The following ZBTB49 variants were observed in gnomAD, a reference collection of about 807,000 sequenced individuals.
The protein encoded by ZBTB49 is zinc finger and BTB domain containing 49, also known as zinc finger and BTB domain-containing protein 49.
A neutral mutation model predicts 57.5 loss-of-function variants in ZBTB49; 43 were observed. The observed-to-expected ratio is 0.75, with a 90% confidence interval of 0.59 to 0.97. The LOEUF (loss-of-function observed/expected upper bound fraction) is 0.97, where lower values mean the gene tolerates loss of function less well. Among genes scored for constraint, ZBTB49 ranks in the 50% least tolerant of loss-of-function variants. ZBTB49 has a pLI of 0.00. For missense variants in ZBTB49, 938 were observed against 947.7 expected (o/e 0.99, Z 0.13); for synonymous variants, 369 against 362.1 (o/e 1.02, Z -0.22).
chr4:4,305,665 CT>C (rs1296352585), intron 3 of ZBTB49, among the ~76,000 whole-genome samples: 1 of 152,222 alleles, frequency 6.6e-6, no homozygotes, highest in Non-Finnish European at 1.5e-5. Context: ...GTGAGGGGCT[CT>C]TTCCTTTTCA....
In ZBTB49 at chr4:4,299,778, T is replaced by G. The variant is rs1053052392; in HGVS notation, c.-19-149T>G. 523 of 518,668 alleles carry G rather than the reference T, an allele frequency of 1.0e-3. 3 individuals are homozygous for G. The highest frequency in any genetic ancestry group is 9.2e-3 in the African/African-American group (446 of 48,236). The allele number at this position is 518,668 out of a possible 1,614,324, so 32.1% of individuals were successfully genotyped here. The stretch of plus-strand genomic sequence containing the variant: ...GGTCTAGATGCCTCAGAAACAGAGG[T>G]GTGTGTGTGTGTGTGTGTGTGTGTG... On this transcript the variant is annotated intron_variant, in intron 1 of 7. Transcript: ENST00000337872.
chr4:4,302,980 C>T lies in ZBTB49; in HGVS notation c.1144C>T (p.Leu382=). ...GGAGAGGCCTGAAGACCCGGCTGCC[C>T]TGGAAGACCAGTCCCAGACACTTCA... ...ETERPEDPAA[L]EDQSQTLQSQ... Residue 382 remains leucine, a synonymous_variant, in exon 3 of 8, where the codon CTG becomes TTG. Coordinates refer to ENST00000337872, the MANE Select transcript of ZBTB49 (RefSeq NM_145291.4). 6 of 1,614,196 alleles carry T rather than the reference C, an allele frequency of 3.7e-6. No individual in the cohort carries two copies. Among genetic ancestry groups the T allele is most frequent in the Non-Finnish European group, 5.1e-6 (6 of 1,180,030 alleles).
chr4:4,312,238 T>G (rs1721007495), intron 4 of ZBTB49, among the ~76,000 whole-genome samples: 1 of 151,650 alleles, frequency 6.6e-6, no homozygotes, highest in Non-Finnish European at 1.5e-5. Flanking sequence ...GTTGAGACTA[T>G]TAACTTAATT....
intron 2 of ZBTB49, among the ~76,000 whole-genome samples, chr4:4,301,704 A>T (rs1042478428): frequency 1.1e-4 from 16 of 152,160 alleles, no homozygotes; most frequent in Non-Finnish European, 2.1e-4. Context: ...TTTATCAGTC[A>T]TATAAATGTA....
At chr4:4,312,955 T>A in intron 4 of ZBTB49, 86 bp from the exon 5 acceptor site, 1 of 1,391,072 alleles carries the variant, frequency 7.2e-7, no homozygotes, top group Non-Finnish European at 9.9e-7. Context: ...CCTGGCTAAA[T>A]GTGTCAGTTT....
At chr4:4,294,612 C>G (rs948350965) in intron 1 of ZBTB49, among the ~76,000 whole-genome samples, 1 of 152,134 alleles carries the variant, frequency 6.6e-6, no homozygotes, top group East Asian at 1.9e-4. Flanking sequence ...GCCTCGGCCT[C>G]CCAAAGTGGT....
chr4:4,303,149 C>A (rs187163593), intron 3 of ZBTB49, 58 bp downstream of exon 3: 16 of 1,462,520 alleles, frequency 1.1e-5, no homozygotes, highest in Non-Finnish European at 1.4e-5. Flanking sequence ...TGCTCAGACA[C>A]CACTGGCTCT....
At chr4:4,305,318 T>C (rs1242921085) in intron 3 of ZBTB49, among the ~76,000 whole-genome samples, 4 of 152,174 alleles carry the variant, frequency 2.6e-5, no homozygotes, top group Non-Finnish European at 4.4e-5. Flanking sequence ...GAAAACATTA[T>C]TGTTACTTTT....
chr4:4,309,628 C>G (rs1434465925), intron 4 of ZBTB49, among the ~76,000 whole-genome samples: 1 of 152,232 alleles, frequency 6.6e-6, no homozygotes, highest in African/African-American at 2.4e-5. Flanking sequence ...GCAGCGCCGT[C>G]TAGCCAGCTG....
chr4:4,307,024 A>G (rs1315618920), intron 4 of ZBTB49, among the ~76,000 whole-genome samples: 1 of 152,164 alleles, frequency 6.6e-6, no homozygotes, highest in Non-Finnish European at 1.5e-5. Flanking sequence ...TTCCCCCTAG[A>G]GCAGACTCTT....
Position 4,302,315 on chromosome 4 carries a change from G to T in ZBTB49, c.479G>T (p.Cys160Phe). The change falls in exon 3 of 8, where the codon TGT (cysteine) becomes TTT (phenylalanine). Residue 160 changes from cysteine to phenylalanine, a missense_variant. Transcript: ENST00000337872. Reference sequence around the variant, plus strand: ...TACCCCCCTCATTTACTGCAGGAATGTTCAGCAGATGCACAGCAGAACAAA... The same window carrying T: ...TACCCCCCTCATTTACTGCAGGAATTTTCAGCAGATGCACAGCAGAACAAA... ...ENYPPHLLQE[C>F]SADAQQNKTL... is the part of the protein sequence containing the mutation. 6.2e-7 allele frequency: 1 copy of T among 1,614,222 alleles called. No individual in the cohort carries two copies. The highest frequency in any genetic ancestry group is 8.5e-7 in the Non-Finnish European group (1 of 1,180,038).
chr4:4,320,852 C>T lies in ZBTB49; in HGVS notation c.1834C>T (p.Gln612Ter). 1 of 1,614,194 alleles carries T rather than the reference C, an allele frequency of 6.2e-7. No individual in the cohort carries two copies. The change falls in exon 8 of 8, where the codon CAG becomes TAG. Residue 612 changes from glutamine (Q) to a stop codon, truncating the protein, a stop_gained. Coordinates refer to ENST00000337872, the MANE Select transcript of ZBTB49 (RefSeq NM_145291.4). LOFTEE classifies it low-confidence loss of function (END_TRUNC). ...AIETSDLEKS[Q>*]SSDSFSQDTS... is the part of the protein sequence containing the mutation. ...CGAGACCTCCGACCTCGAGAAATCT[C>T]AGAGCTCAGACTCTTTCTCCCAAGA...
chr4:4,293,193 A>G (rs765730643), intron 1 of ZBTB49, among the ~76,000 whole-genome samples: 15 of 152,318 alleles, frequency 9.8e-5, no homozygotes, highest in Non-Finnish European at 1.8e-4. Context: ...ACATTGTTCA[A>G]TAAGACAGAT....
chr4:4,321,063 T>C lies in ZBTB49; in HGVS notation c.2045T>C (p.Met682Thr), dbSNP rs150902990. Reference protein sequence around the residue: ...LDPGKLAKPQMQQTQPQAYAY... With the variant: ...LDPGKLAKPQTQQTQPQAYAY... ...CCTGGTAAACTTGCCAAGCCCCAGATGCAGCAGACACAGCCTCAGGCCTAT... is the reference window on the plus strand; with the variant it reads ...CCTGGTAAACTTGCCAAGCCCCAGACGCAGCAGACACAGCCTCAGGCCTAT... Residue 682 changes from methionine (M) to threonine (T), a missense_variant, in exon 8 of 8, where the codon ATG becomes ACG. Coordinates refer to ENST00000337872, the MANE Select transcript of ZBTB49 (RefSeq NM_145291.4). The C allele has an allele frequency of 2.1e-3, 3,448 of 1,614,078 alleles. 5 individuals are homozygous for C. Among genetic ancestry groups the C allele is most frequent in the Non-Finnish European group, 2.7e-3 (3,210 of 1,180,042 alleles).
Position 4,320,746 on chromosome 4 carries a change from G to T in ZBTB49, c.1728G>T (p.Ala576=). The change falls in exon 8 of 8, where the codon GCG becomes GCT. Residue 576 remains alanine, a synonymous_variant. Coordinates refer to ENST00000337872, the MANE Select transcript of ZBTB49 (RefSeq NM_145291.4). ...EICNKCFTRS[A]VLRRHKKMHC... is the part of the protein sequence containing the mutation. ...GTAACAAGTGCTTTACCCGCTCTGC[G>T]GTGCTCCGGCGGCACAAGAAGATGC... 1 of 1,614,216 alleles carries T rather than the reference G, an allele frequency of 6.2e-7. No homozygotes were observed. The highest frequency in any genetic ancestry group is 8.5e-7 in the Non-Finnish European group (1 of 1,180,046).
chr4:4,299,452 G>A (rs1039941135), intron 1 of ZBTB49, among the ~76,000 whole-genome samples: 4 of 151,874 alleles, frequency 2.6e-5, no homozygotes, highest in African/African-American at 9.7e-5. Flanking sequence ...GATAAATATG[G>A]ATTTGATCTT....
chr4:4,321,532 C>T lies in ZBTB49; in HGVS notation c.*216C>T, dbSNP rs1297846246. Reference sequence around the variant, plus strand: ...ACCGTGAGGCAGCCGCGGGAGGGAGCGCTGACGTCACAGAAGCGAAGGCTT... The same window carrying T: ...ACCGTGAGGCAGCCGCGGGAGGGAGTGCTGACGTCACAGAAGCGAAGGCTT... On this transcript the variant is annotated 3_prime_UTR_variant, in exon 8 of 8. Coordinates refer to ENST00000337872, the MANE Select transcript of ZBTB49 (RefSeq NM_145291.4). 8 of 585,588 alleles carry T rather than the reference C, an allele frequency of 1.4e-5. No individual in the cohort carries two copies. The highest frequency in any genetic ancestry group is 2.1e-5 in the Non-Finnish European group (7 of 336,392). 36.3% of individuals were successfully genotyped at this position (585,588 alleles called of 1,614,324 possible).
Position 4,303,000 on chromosome 4 carries a change from A to G in ZBTB49, c.1164A>G (p.Thr388=), listed in dbSNP as rs760291010. The change falls in exon 3 of 8, where the codon ACA becomes ACG. Residue 388 remains threonine (T), a synonymous_variant. Coordinates refer to ENST00000337872, the MANE Select transcript of ZBTB49 (RefSeq NM_145291.4). The part of the protein sequence containing the change: ...DPAALEDQSQ[T]LQSQRQYACE... Reference sequence around the variant, plus strand: ...CTGCCCTGGAAGACCAGTCCCAGACACTTCAGTCCCAGAGACAATACGCGT... The same window carrying G: ...CTGCCCTGGAAGACCAGTCCCAGACGCTTCAGTCCCAGAGACAATACGCGT... 9.3e-6 allele frequency: 15 copies of G among 1,614,108 alleles called. No homozygotes were observed. In the East Asian group the frequency reaches 2.9e-4, roughly 31 times the overall value.
intron 4 of ZBTB49, among the ~76,000 whole-genome samples, chr4:4,306,839 G>T (rs1364537169): frequency 6.6e-6 from 1 of 152,246 alleles, no homozygotes; most frequent in Non-Finnish European, 1.5e-5. Context: ...TGGGCTTCCA[G>T]AGGTAGATCA....
Sources: gnomAD v4.1 joint callset for allele counts (sites outside exome capture counted in the v4.1 genomes callset) on GRCh38, gnomAD v4.1.1 for gene constraint, MANE v1.5 for transcripts, NCBI Gene and HGNC (gene_info 2026-07-23, HGNC 2026-07-21) for gene names.